UTRN: variants seen among roughly 807,000 people sequenced by gnomAD.
UTRN encodes dystrophin-related protein 1.
Under a neutral mutation model 463.9 loss-of-function variants are expected in UTRN, and 283 were observed. The observed-to-expected ratio is 0.61, with a 90% CI of 0.55 to 0.67. The LOEUF is 0.67. Among genes scored for constraint, UTRN ranks in the 30% least tolerant of loss-of-function variants. The pLI is 0.00. For missense variants in UTRN, 3,922 were observed against 4,084.3 expected, an observed-to-expected ratio of 0.96 and a Z score of 1.08; for synonymous variants, 1,442 against 1,431.5, an observed-to-expected ratio of 1.01 and a Z score of -0.17.
chr6:144,691,066 A>G (rs79833979), intron 52 of UTRN, among the ~76,000 whole-genome samples: 2,487 of 151,884 alleles, frequency 0.016, 62 homozygotes, highest in African/African-American at 0.055. Context: ...ACATCTAGGG[A>G]AAAAAAAAGT....
At chr6:144,391,245 G>T (rs1421200155) in intron 2 of UTRN, among the ~76,000 whole-genome samples, 6 of 151,710 alleles carry the variant, frequency 4.0e-5, no homozygotes. Flanking sequence ...ACACTTTTTT[G>T]ATTTTTTGTA....
chr6:144,333,760 A>G (rs114229167), intron 2 of UTRN, among the ~76,000 whole-genome samples: 343 of 152,292 alleles, frequency 2.3e-3, no homozygotes, highest in African/African-American at 7.9e-3. Context: ...ACTGATTCCA[A>G]CCTTTTGTTC....
At chr6:144,571,791 C>G (rs929618953) in intron 50 of UTRN, among the ~76,000 whole-genome samples, 4 of 152,116 alleles carry the variant, frequency 2.6e-5, no homozygotes, top group Admixed American at 1.3e-4. Flanking sequence ...TTGCTAATCC[C>G]TCCCACATTT....
At chr6:144,450,673 A>G (rs982551454) in intron 17 of UTRN, among the ~76,000 whole-genome samples, 2 of 152,194 alleles carry the variant, frequency 1.3e-5, no homozygotes, top group African/African-American at 4.8e-5. Flanking sequence ...AGGCTCAATC[A>G]TTACATATTG....
Position 144,548,864 on chromosome 6 carries a change from T to G in UTRN, c.6810+10T>G, listed in dbSNP as rs1798653221. 1 of 1,613,074 alleles carries G rather than the reference T, an allele frequency of 6.2e-7. No individual in the cohort carries two copies. The highest frequency in any genetic ancestry group is 8.5e-7 in the Non-Finnish European group (1 of 1,179,594). On this transcript the variant is annotated intron_variant, in intron 47 of 74. Transcript: ENST00000367545. The stretch of plus-strand genomic sequence containing the variant: ...CGTTTCCCGAATGAAAGTAGGTGCA[T>G]AGTGTAAAAGCTTGTCATGGAAACG...
At chr6:144,403,943 G>A (rs372125642) in intron 3 of UTRN, among the ~76,000 whole-genome samples, 1 of 152,208 alleles carries the variant, frequency 6.6e-6, no homozygotes, top group South Asian at 2.1e-4. Flanking sequence ...GAGAAACACT[G>A]TTGTGGTCTT....
chr6:144,404,943 T>C (rs927465096), intron 3 of UTRN, among the ~76,000 whole-genome samples: 1 of 152,236 alleles, frequency 6.6e-6, no homozygotes, highest in African/African-American at 2.4e-5. Flanking sequence ...TAATGTCTAT[T>C]ATTTTGCAAT....
At position 144,748,401 on chromosome 6, in the gene UTRN, G is replaced by A. The variant is rs746015014; in HGVS notation, c.8095G>A (p.Ala2699Thr). Residue 2699 changes from alanine (A) to threonine (T), a missense_variant, in exon 55 of 75, where the codon GCT (alanine) becomes ACT (threonine). By Grantham distance (58) the Ala-to-Thr change is moderately conservative. Coordinates refer to ENST00000367545, the MANE Select transcript of UTRN (RefSeq NM_007124.3). ...ALEKLRDLQG[A>T]MDDLDADMKE... ...GGAGAAACTCAGAGACCTGCAGGGAGCTATGGATGACCTGGACGCTGACAT... is the reference window on the plus strand; with the variant it reads ...GGAGAAACTCAGAGACCTGCAGGGAACTATGGATGACCTGGACGCTGACAT... 2 of 1,613,900 alleles carry A rather than the reference G, an allele frequency of 1.2e-6. No homozygotes were observed. The highest frequency in any genetic ancestry group is 1.1e-5 in the South Asian group (1 of 91,068).
At chr6:144,500,213 C>T (rs1273824224) in intron 34 of UTRN, among the ~76,000 whole-genome samples, 1 of 152,208 alleles carries the variant, frequency 6.6e-6, no homozygotes, top group Non-Finnish European at 1.5e-5. Context: ...AGAGGCTGAA[C>T]TAATTTACAT....
At chr6:144,393,471 A>C (rs939926488) in intron 2 of UTRN, among the ~76,000 whole-genome samples, 1 of 152,194 alleles carries the variant, frequency 6.6e-6, no homozygotes, top group African/African-American at 2.4e-5. Flanking sequence ...TATAGACATT[A>C]TATAGGAAGT....
At chr6:144,390,997 AATAAC>A (rs56283461) in intron 2 of UTRN, among the ~76,000 whole-genome samples, 113,348 of 152,072 alleles carry the variant, frequency 0.75, 42,982 homozygotes, top group African/African-American at 0.89. Flanking sequence ...TGTTATATTT[AATAAC>A]AATTAGTCAT....
At chr6:144,575,760 T>G (rs951722720) in intron 50 of UTRN, among the ~76,000 whole-genome samples, 1 of 152,154 alleles carries the variant, frequency 6.6e-6, no homozygotes, top group Non-Finnish European at 1.5e-5. Flanking sequence ...GATGTTGAAA[T>G]GTATCCCCTA....
intron 54 of UTRN, among the ~76,000 whole-genome samples, chr6:144,736,302 G>T (rs973030579): frequency 3.3e-5 from 5 of 152,110 alleles, no homozygotes; most frequent in African/African-American, 1.2e-4. Flanking sequence ...GAAATCAAGT[G>T]ATTTTTTTCG....
intron 54 of UTRN, among the ~76,000 whole-genome samples, chr6:144,739,951 A>G (rs1789868176): frequency 6.6e-6 from 1 of 152,222 alleles, no homozygotes; most frequent in Non-Finnish European, 1.5e-5. Context: ...GTAAATGCAG[A>G]CATTCCCAAC....
At chr6:144,550,399 A>G (rs1798797420) in intron 47 of UTRN, among the ~76,000 whole-genome samples, 1 of 152,142 alleles carries the variant, frequency 6.6e-6, no homozygotes, top group South Asian at 2.1e-4. Flanking sequence ...TGTACTGAAA[A>G]CACATGATTT....
At chr6:144,354,859 A>G (rs1778414452) in intron 2 of UTRN, among the ~76,000 whole-genome samples, 1 of 151,988 alleles carries the variant, frequency 6.6e-6, no homozygotes, top group Admixed American at 6.6e-5. Flanking sequence ...GTTTTTGAAA[A>G]CGAGGTCTAT....
intron 46 of UTRN, among the ~76,000 whole-genome samples, chr6:144,545,044 A>AT (rs1035235088): frequency 1.0e-3 from 154 of 151,552 alleles, no homozygotes; most frequent in African/African-American, 3.6e-3. Context: ...AACTGTAGAC[A>AT]TTTTTTTTTA....
Position 144,458,683 on chromosome 6 carries a change from C to G in UTRN, c.2285-87C>G, listed in dbSNP as rs916900366. 1.5e-5 allele frequency: 22 copies of G among 1,439,976 alleles called. No homozygotes were observed. In the South Asian group the frequency reaches 3.2e-4, roughly 21 times the overall value. 89.2% of individuals were successfully genotyped at this position (1,439,976 alleles called of 1,614,324 possible). On this transcript the variant is annotated intron_variant, in intron 19 of 74. Transcript: ENST00000367545. The stretch of plus-strand genomic sequence containing the variant: ...GATCATTATGTGTGACATTGCCTCA[C>G]TATTCTGAGTGTTAGAATGTTCAGA...
intron 33 of UTRN, 27 bp downstream of exon 33, chr6:144,493,483 C>T: frequency 1.3e-6 from 2 of 1,592,540 alleles, no homozygotes; most frequent in Non-Finnish European, 1.7e-6. Context: ...CACAGCTCAT[C>T]TCTCTGTCTC....
Sources: gnomAD v4.1 joint callset for allele counts (sites outside exome capture counted in the v4.1 genomes callset) on GRCh38, gnomAD v4.1.1 for gene constraint, MANE v1.5 for transcripts, NCBI Gene and HGNC (gene_info 2026-07-23, HGNC 2026-07-21) for gene names.